Variants in FOCAD observed in about 807,000 individuals in gnomAD.
FOCAD encodes the protein focadhesin, also known as KIAA1797.
A neutral mutation model predicts 225.6 loss-of-function variants in FOCAD; 198 were observed. The ratio of observed to expected loss-of-function variants is 0.88; its 90% CI spans 0.78 to 0.99. The LOEUF is 0.99. FOCAD is among the 50% of genes least tolerant of loss of function. The probability of loss-of-function intolerance (pLI) is 0.00; values close to 1 mark genes in which losing one functional copy is unlikely to be tolerated. For synonymous variants in FOCAD, 897 were observed against 755.0 expected (o/e 1.19, Z -3.08); for missense variants, 2,713 against 2,123.6 (o/e 1.28, Z -5.46).
chr9:20,825,989 A>G (rs1485409928), intron 15 of FOCAD, among the ~76,000 whole-genome samples: 5 of 152,068 alleles, frequency 3.3e-5, no homozygotes, highest in African/African-American at 9.7e-5. Flanking sequence ...GTAAAGAGAA[A>G]TTTGTCCCTT....
intron 36 of FOCAD, among the ~76,000 whole-genome samples, chr9:20,976,861 G>A (rs1220799375): frequency 2.6e-5 from 4 of 152,198 alleles, no homozygotes; most frequent in Non-Finnish European, 5.9e-5. Context: ...CATTTCCAGA[G>A]CCATAGGTTT....
At chr9:20,729,901 G>A (rs556674722) in intron 4 of FOCAD, among the ~76,000 whole-genome samples, 1 of 152,128 alleles carries the variant, frequency 6.6e-6, no homozygotes, top group African/African-American at 2.4e-5. Flanking sequence ...GTGGTGGTGG[G>A]ATACTGCCTT....
intron 4 of FOCAD, among the ~76,000 whole-genome samples, chr9:20,736,173 T>C (rs920802088): frequency 1.3e-5 from 2 of 152,110 alleles, no homozygotes; most frequent in African/African-American, 4.8e-5. Context: ...GCAAGCCTAG[T>C]TGTTTTTATT....
At chr9:20,913,149 C>T (rs1410527373) in intron 23 of FOCAD, among the ~76,000 whole-genome samples, 195 bp downstream of exon 23, 1 of 104,674 alleles carries the variant, frequency 9.6e-6, no homozygotes. Context: ...TATACATACA[C>T]ACACACACAC....
At chr9:20,664,940 C>G (rs1413336975) in intron 2 of FOCAD, among the ~76,000 whole-genome samples, 1 of 136,078 alleles carries the variant, frequency 7.3e-6, no homozygotes, top group Non-Finnish European at 1.6e-5. Context: ...AAATGTTATA[C>G]ATAGTGGAAA....
intron 4 of FOCAD, among the ~76,000 whole-genome samples, chr9:20,734,647 C>CT (rs368223907): frequency 2.6e-4 from 39 of 149,272 alleles, no homozygotes; most frequent in East Asian, 2.6e-3. Flanking sequence ...ATAATATTGT[C>CT]TTTTTTTTTT....
chr9:20,690,906 ATT>A (rs34441239), intron 1 of FOCAD, among the ~76,000 whole-genome samples: 4 of 141,256 alleles, frequency 2.8e-5, no homozygotes, highest in Admixed American at 7.0e-5. Context: ...ACCTGTCAGC[ATT>A]TTTTTTTTTT....
rs752873937 is a variant in FOCAD at position 20,873,677 on chromosome 9, A to T, written c.2191-1004A>T. Among the ~76,000 whole-genome samples, 34 of 102,448 alleles carry T rather than the reference A, an allele frequency of 3.3e-4. 1 individual carries two copies. Among genetic ancestry groups the T allele is most frequent in the Non-Finnish European group, 7.8e-4 (32 of 40,784 alleles). The allele number at this position is 102,448 out of a possible 152,430, so 67.2% of individuals were successfully genotyped here. A position where few individuals can be genotyped will look rare whatever the true frequency, so the allele number is the denominator to read the frequency against. On this transcript the variant is annotated intron_variant, in intron 18 of 43. Transcript: ENST00000338382. ...GTTGAAAGGCTTCATTGGAGTTGAC[A>T]TTATTATTCTTAAGAGAAGCATTTC... is the stretch of plus-strand genomic sequence containing the variant.
chr9:20,715,822 G>A (rs1157982754), intron 2 of FOCAD, among the ~76,000 whole-genome samples: 2 of 152,062 alleles, frequency 1.3e-5, no homozygotes, highest in African/African-American at 2.4e-5. Flanking sequence ...TATTTAATAA[G>A]TAAAATATCC....
At chr9:20,682,039 G>A (rs1377155453), upstream of FOCAD, among the ~76,000 whole-genome samples, 4 of 152,116 alleles carry the variant, frequency 2.6e-5, no homozygotes, top group Admixed American at 2.6e-4. Context: ...TAGGTTATGA[G>A]GACTCCTGTC....
intron 11 of FOCAD, among the ~76,000 whole-genome samples, chr9:20,798,447 G>A (rs1821386092): frequency 6.6e-6 from 1 of 152,100 alleles, no homozygotes; most frequent in Non-Finnish European, 1.5e-5. Flanking sequence ...TGTACCTCTG[G>A]TAGAATTCGG....
intron 4 of FOCAD, among the ~76,000 whole-genome samples, chr9:20,731,776 C>A (rs1449413016): frequency 6.6e-6 from 1 of 152,008 alleles, no homozygotes; most frequent in Non-Finnish European, 1.5e-5. Flanking sequence ...TGCCACCACC[C>A]CCAGCTAATT....
At chr9:20,883,666 G>T (rs934825362) in intron 20 of FOCAD, among the ~76,000 whole-genome samples, 1 of 152,160 alleles carries the variant, frequency 6.6e-6, no homozygotes, top group Non-Finnish European at 1.5e-5. Flanking sequence ...TCAGAGAAAA[G>T]AATCAAAATG....
intron 1 of FOCAD, among the ~76,000 whole-genome samples, chr9:20,689,714 A>T (rs903171779): frequency 6.6e-6 from 1 of 152,160 alleles, no homozygotes; most frequent in African/African-American, 2.4e-5. Flanking sequence ...AAGAGCTTAG[A>T]TTTGGGTATA....
intron 5 of FOCAD, among the ~76,000 whole-genome samples, chr9:20,756,854 A>G (rs753994366): frequency 1.3e-5 from 2 of 152,202 alleles, no homozygotes; most frequent in Non-Finnish European, 2.9e-5. Context: ...ATTAAAGACT[A>G]GCTCCGTGTA....
intron 15 of FOCAD, among the ~76,000 whole-genome samples, chr9:20,847,802 G>T (rs1340604369): frequency 6.6e-6 from 1 of 152,060 alleles, no homozygotes; most frequent in African/African-American, 2.4e-5. Context: ...ATGAAAGAAT[G>T]ATCACTTTGC....
At chr9:20,823,487 C>T (rs1463813690) in intron 15 of FOCAD, among the ~76,000 whole-genome samples, 1 of 151,966 alleles carries the variant, frequency 6.6e-6, no homozygotes, top group Admixed American at 6.6e-5. Context: ...TTGTCGTTGG[C>T]CAGTGGCACT....
rs1233590063 is a variant in FOCAD at position 20,822,852 on chromosome 9, G to T, written c.1794-137G>T. On this transcript the variant is annotated intron_variant, in intron 14 of 43. Transcript: ENST00000338382. ...TGCACATTTTTGAAGAAAAAACATG[G>T]TGTTAATATTTGAGGGTCACCATTT... 1.1e-5 allele frequency: 7 copies of T among 617,918 alleles called. No homozygotes were observed. The African/African-American group carries it at 1.2e-4, about 10-fold the overall frequency. The allele number at this position is 617,918 out of a possible 1,614,324, so 38.3% of individuals were successfully genotyped here.
Position 20,876,596 on chromosome 9 carries a change from T to C in FOCAD, c.2317+1789T>C, listed in dbSNP as rs144209217. Among the ~76,000 whole-genome samples, 1,040 of 152,276 alleles carry C rather than the reference T, an allele frequency of 6.8e-3. 7 individuals are homozygous for C. The highest frequency in any genetic ancestry group is 0.01 in the Middle Eastern group (3 of 294). ...GAAGAGTTGAGATCGACAACTGTAT[T>C]TGTTTGAGAAAATTTAGTAATTTGA... On this transcript the variant is annotated intron_variant, in intron 19 of 43. Coordinates refer to ENST00000338382, the MANE Select transcript of FOCAD (RefSeq NM_001375567.1).
Sources: gnomAD v4.1 joint callset for allele counts (sites outside exome capture counted in the v4.1 genomes callset) on GRCh38, gnomAD v4.1.1 for gene constraint, MANE v1.5 for transcripts, NCBI Gene and HGNC (gene_info 2026-07-23, HGNC 2026-07-21) for gene names.